PAK3: variants seen among roughly 807,000 people sequenced by gnomAD.
PAK3 encodes serine/threonine-protein kinase PAK 3.
PAK3 carries 4 observed loss-of-function variants against 41.0 expected under a neutral mutation model. The observed-to-expected ratio is 0.10, with a 90% CI of 0.05 to 0.22. The LOEUF is 0.22. Among genes scored for constraint, PAK3 ranks in the 10% least tolerant of loss-of-function variants. The probability of loss-of-function intolerance (pLI) is 1.00; values close to 1 mark genes in which losing one functional copy is unlikely to be tolerated. For missense variants in PAK3, 205 were observed against 409.9 expected (o/e 0.50, Z 4.32); for synonymous variants, 146 against 139.6 (o/e 1.05, Z -0.32).
At chrX:110,994,379 G>A (rs1328468840) in intron 1 of PAK3, among the ~76,000 whole-genome samples, 1 of 111,406 alleles carries the variant, frequency 9.0e-6, no homozygotes, top group African/African-American at 3.3e-5. Context: ...AGCTGCCAGG[G>A]GCTTTTAGAG....
chrX:110,948,951 A>G lies in PAK3; in HGVS notation c.-28+4323A>G, dbSNP rs372377940. 1.9e-3 allele frequency among the ~76,000 whole-genome samples: 216 copies of G among 112,180 alleles called. 1 individual carries two copies. Among genetic ancestry groups the G allele is most frequent in the African/African-American group, 6.8e-3 (210 of 30,885 alleles). On this transcript the variant is annotated intron_variant, in intron 1 of 14. Transcript: ENST00000425146. Reference sequence around the variant, plus strand: ...CATTCATAGAATGGTAGAGCTACAAATGCCTATGGAAGTTTCTCTGTTGTA... The same window carrying G: ...CATTCATAGAATGGTAGAGCTACAAGTGCCTATGGAAGTTTCTCTGTTGTA...
At chrX:111,055,076 C>T (rs1224661735) in intron 1 of PAK3, among the ~76,000 whole-genome samples, 1 of 112,176 alleles carries the variant, frequency 8.9e-6, no homozygotes, top group Non-Finnish European at 1.9e-5. Context: ...TTTCTGAACA[C>T]TTGGTGCACA....
chrX:111,062,517 G>A (rs1231798840), intron 1 of PAK3, among the ~76,000 whole-genome samples: 3 of 112,412 alleles, frequency 2.7e-5, no homozygotes, highest in African/African-American at 6.5e-5. Flanking sequence ...TGAGAAGATG[G>A]AATCTGCCAA....
chrX:111,097,064 G>T (rs767615978), intron 1 of PAK3, among the ~76,000 whole-genome samples: 8 of 108,185 alleles, frequency 7.4e-5, no homozygotes, highest in African/African-American at 2.4e-4. Context: ...ATGCAATAAC[G>T]CCCCCAGAAA....
intron 8 of PAK3, among the ~76,000 whole-genome samples, chrX:111,154,298 A>G (rs1409190860): frequency 9.0e-6 from 1 of 111,498 alleles, no homozygotes; most frequent in East Asian, 2.8e-4. Context: ...TTTATGTTAT[A>G]TATATTTTGC....
chrX:111,134,674 G>A (rs779627398), intron 5 of PAK3, among the ~76,000 whole-genome samples: 1 of 111,249 alleles, frequency 9.0e-6, no homozygotes, highest in Non-Finnish European at 1.9e-5. Context: ...CTGAGGAGAG[G>A]CAATTATTCA....
intron 1 of PAK3, among the ~76,000 whole-genome samples, chrX:111,043,550 T>C (rs1036518468): frequency 2.2e-4 from 25 of 111,845 alleles, no homozygotes; most frequent in African/African-American, 8.1e-4. Flanking sequence ...GTTATCTTCA[T>C]GTGCTAGTTG....
chrX:111,078,957 C>T (rs1181090644), intron 1 of PAK3, among the ~76,000 whole-genome samples: 2 of 112,117 alleles, frequency 1.8e-5, no homozygotes, highest in Non-Finnish European at 3.8e-5. Flanking sequence ...AAGCCTAATC[C>T]AGAGCAAGGC....
chrX:111,087,789 A>G (rs1432533366), intron 1 of PAK3, among the ~76,000 whole-genome samples: 4 of 108,414 alleles, frequency 3.7e-5, no homozygotes. Context: ...AACAGAAGAC[A>G]AAAAGCAAAC....
intron 1 of PAK3, among the ~76,000 whole-genome samples, chrX:111,020,477 A>G (rs2092160198): frequency 9.0e-6 from 1 of 111,392 alleles, no homozygotes. Context: ...GAGAGTGATG[A>G]TGATTGCACA....
chrX:111,172,037 A>C (rs1367281845), intron 10 of PAK3, among the ~76,000 whole-genome samples: 6 of 111,958 alleles, frequency 5.4e-5, no homozygotes, highest in Non-Finnish European at 1.1e-4. Flanking sequence ...TACTAGGTAC[A>C]TAGTAATTAC....
intron 1 of PAK3, among the ~76,000 whole-genome samples, chrX:111,023,062 C>A (rs1209623289): frequency 9.0e-6 from 1 of 110,618 alleles, no homozygotes; most frequent in Non-Finnish European, 1.9e-5. Flanking sequence ...CACTGACAGG[C>A]CCCAGTGTGT....
intron 1 of PAK3, among the ~76,000 whole-genome samples, chrX:110,973,542 C>T (rs1569499162): frequency 8.9e-6 from 1 of 111,913 alleles, no homozygotes; most frequent in Non-Finnish European, 1.9e-5. Context: ...CCAGGCCTGC[C>T]TTACAAGAGC....
At chrX:111,131,615 A>T (rs1398245963) in intron 5 of PAK3, among the ~76,000 whole-genome samples, 4 of 111,463 alleles carry the variant, frequency 3.6e-5, no homozygotes, top group Non-Finnish European at 7.6e-5. Context: ...AAAAAATTTT[A>T]GGTGTAAACA....
intron 11 of PAK3, among the ~76,000 whole-genome samples, chrX:111,189,932 T>A (rs954567987): frequency 1.8e-5 from 2 of 111,806 alleles, no homozygotes; most frequent in East Asian, 5.6e-4. Context: ...GTAGAAGAAA[T>A]GTTTTCTTCA....
chrX:111,165,648 T>G lies in PAK3; in HGVS notation c.766+1921T>G, dbSNP rs2094245642. Among the ~76,000 whole-genome samples the G allele has an allele frequency of 1.8e-5, 2 of 112,555 alleles. 1 individual carries two copies. Among genetic ancestry groups the G allele is most frequent in the South Asian group, 7.3e-4 (2 of 2,738 alleles). On this transcript the variant is annotated intron_variant, in intron 10 of 17. Transcript: ENST00000372007. ...TCAATTATTCAGACAATTGGCACGT[T>G]TTTCTTTATTTTGCATATGTAGACA...
intron 1 of PAK3, among the ~76,000 whole-genome samples, chrX:110,978,868 C>G (rs1348552653): frequency 9.0e-6 from 1 of 110,771 alleles, no homozygotes; most frequent in African/African-American, 3.3e-5. Context: ...TCTCCCCTTT[C>G]CACTTTCTGG....
intron 5 of PAK3, among the ~76,000 whole-genome samples, chrX:111,134,661 G>T (rs2093763405): frequency 9.0e-6 from 1 of 111,257 alleles, no homozygotes; most frequent in Non-Finnish European, 1.9e-5. Context: ...GTAGGAGTGA[G>T]AACTGAGGAG....
chrX:110,969,706 C>T (rs1602583613), intron 1 of PAK3, among the ~76,000 whole-genome samples: 1 of 111,417 alleles, frequency 9.0e-6, no homozygotes, highest in South Asian at 3.8e-4. Context: ...TGTGTCTATC[C>T]TTCCACCAAT....
Sources: gnomAD v4.1 joint callset for allele counts (sites outside exome capture counted in the v4.1 genomes callset) on GRCh38, gnomAD v4.1.1 for gene constraint, MANE v1.5 for transcripts, NCBI Gene and HGNC (gene_info 2026-07-23, HGNC 2026-07-21) for gene names.